The following OR14A2 variants were observed in gnomAD, a reference collection of about 807,000 sequenced individuals.
OR14A2 encodes olfactory receptor family 14 subfamily A member 2.
For missense variants in OR14A2, 237 were observed against 152.9 expected (o/e 1.55, Z -2.90); for synonymous variants, 114 against 58.6 (o/e 1.95, Z -4.32).
chr1:247,732,389 T>G, the OR14A2 span, among the ~76,000 whole-genome samples: 1 of 152,108 alleles, frequency 6.6e-6, no homozygotes, highest in African/African-American at 2.4e-5. Flanking sequence ...TTACAACACT[T>G]CTCCAAGTGA....
At chr1:247,741,613 G>A in the OR14A2 span, among the ~76,000 whole-genome samples, 1 of 152,120 alleles carries the variant, frequency 6.6e-6, no homozygotes, top group African/African-American at 2.4e-5. Flanking sequence ...GTATGCATAT[G>A]TTAAATATAC....
chr1:247,744,767 TG>T, the OR14A2 span, among the ~76,000 whole-genome samples: 1 of 152,182 alleles, frequency 6.6e-6, no homozygotes, highest in East Asian at 1.9e-4. This position sits in a 1 kb window ranked among gnomAD's most constrained non-coding sequence, Gnocchi z 4.3. Flanking sequence ...TGCATAGCCA[TG>T]GGCCAAGGTT....
chr1:247,724,949 ATTC>A (rs1180615686), upstream of OR14A2, among the ~76,000 whole-genome samples: 1 of 152,034 alleles, frequency 6.6e-6, no homozygotes, highest in African/African-American at 2.4e-5. Flanking sequence ...AGAGTTATTT[ATTC>A]TTTATTGAAA....
the OR14A2 span, among the ~76,000 whole-genome samples, chr1:247,735,341 A>G: frequency 2.6e-5 from 4 of 152,210 alleles, no homozygotes; most frequent in African/African-American, 9.6e-5. Context: ...ATTACACTCA[A>G]TTTAAAGAGT....
At chr1:247,747,359 C>CTT in the OR14A2 span, among the ~76,000 whole-genome samples, 710 of 136,388 alleles carry the variant, frequency 5.2e-3, 6 homozygotes, top group African/African-American at 0.018. Context: ...AATGCGAAGA[C>CTT]TTTTTTTTTT....
At chr1:247,723,089 C>T, downstream of OR14A2, 2 of 702,386 alleles carry the variant, frequency 2.8e-6, no homozygotes, top group African/African-American at 1.8e-5. Flanking sequence ...ACTGACAGAA[C>T]TTGAAAGTGT....
the OR14A2 span, chr1:247,739,624 A>T: frequency 1.5e-6 from 1 of 662,146 alleles, no homozygotes; most frequent in Non-Finnish European, 2.7e-6. Flanking sequence ...TAGCTGTTTA[A>T]AATTATCTCT....
the OR14A2 span, chr1:247,739,265 G>T: frequency 5.1e-6 from 4 of 780,814 alleles, no homozygotes; most frequent in African/African-American, 3.4e-5. Flanking sequence ...TTTCCTATGT[G>T]TACATTTTCT....
At chr1:247,742,763 C>T in the OR14A2 span, among the ~76,000 whole-genome samples, 2 of 151,786 alleles carry the variant, frequency 1.3e-5, no homozygotes, top group Admixed American at 1.3e-4. Context: ...TTTGAGACAA[C>T]AAAACAACAG....
the OR14A2 span, chr1:247,738,965 C>T: frequency 1.3e-6 from 1 of 780,774 alleles, no homozygotes. Context: ...CTGCCATGTC[C>T]TATGACCGCT....
upstream of OR14A2, among the ~76,000 whole-genome samples, chr1:247,727,282 T>G (rs1405753301): frequency 6.8e-6 from 1 of 148,092 alleles, no homozygotes; most frequent in East Asian, 1.9e-4. Flanking sequence ...GGTATTTTAT[T>G]CTCTTTGAAG....
the OR14A2 span, among the ~76,000 whole-genome samples, chr1:247,738,116 A>C: frequency 1.3e-5 from 2 of 152,216 alleles, no homozygotes; most frequent in Non-Finnish European, 2.9e-5. Flanking sequence ...TAATCTTAAC[A>C]TCCTTCAGTG....
chr1:247,738,071 C>T, the OR14A2 span, among the ~76,000 whole-genome samples: 2 of 152,068 alleles, frequency 1.3e-5, no homozygotes, highest in African/African-American at 4.8e-5. Flanking sequence ...CACATTTTCA[C>T]CAAAGGAGTA....
the OR14A2 span, among the ~76,000 whole-genome samples, chr1:247,730,355 G>T: frequency 6.6e-6 from 1 of 151,928 alleles, no homozygotes; most frequent in South Asian, 2.1e-4. Context: ...CTGCATAACT[G>T]CACCCAACAT....
exon 1 of OR14A2, chr1:247,723,335 A>G (rs1572468332): frequency 1.4e-6 from 1 of 717,584 alleles, no homozygotes; most frequent in Non-Finnish European, 2.6e-6. Flanking sequence ...AAGCATGTGG[A>G]AAAAGCTTTG....
the OR14A2 span, among the ~76,000 whole-genome samples, chr1:247,729,926 C>G: frequency 6.6e-6 from 1 of 152,032 alleles, no homozygotes; most frequent in Non-Finnish European, 1.5e-5. Context: ...ACATTTGATT[C>G]TTTAATGTAA....
At chr1:247,741,118 A>C in the OR14A2 span, among the ~76,000 whole-genome samples, 1 of 152,194 alleles carries the variant, frequency 6.6e-6, no homozygotes, top group Non-Finnish European at 1.5e-5. Context: ...GAAAGTGCTT[A>C]ATTACATATT....
the OR14A2 span, among the ~76,000 whole-genome samples, chr1:247,745,950 G>A: frequency 1.3e-5 from 2 of 152,156 alleles, no homozygotes. Context: ...CAGGATGGTC[G>A]TTAATTGGGT....
chr1:247,748,073 T>A, the OR14A2 span, among the ~76,000 whole-genome samples: 4 of 152,312 alleles, frequency 2.6e-5, no homozygotes, highest in Admixed American at 1.3e-4. Context: ...CATATCTGAT[T>A]CTATGAATGT....
Sources: allele counts gnomAD v4.1 joint callset (sites outside exome capture counted in the v4.1 genomes callset), GRCh38; gene constraint gnomAD v4.1.1; non-coding constraint Gnocchi (gnomAD v3.1); transcripts MANE v1.5; gene names NCBI Gene and HGNC (gene_info 2026-07-23, HGNC 2026-07-21).